Variants in EPC1 observed in about 807,000 individuals in gnomAD.
EPC1 encodes enhancer of polycomb 1.
A neutral mutation model predicts 98.4 loss-of-function variants in EPC1; 12 were observed. That is an observed-to-expected ratio of 0.12 (90% CI 0.08 to 0.20). The LOEUF (loss-of-function observed/expected upper bound fraction) is 0.20. EPC1 is among the 10% of genes least tolerant of loss of function. The pLI is 1.00. For synonymous variants in EPC1, 357 were observed against 363.9 expected, an observed-to-expected ratio of 0.98 and a Z score of 0.21; for missense variants, 729 against 990.5, an observed-to-expected ratio of 0.74 and a Z score of 3.54.
chr10:32,301,351 G>T (rs1203423593), intron 2 of EPC1, among the ~76,000 whole-genome samples: 1 of 152,134 alleles, frequency 6.6e-6, no homozygotes, highest in Non-Finnish European at 1.5e-5. Flanking sequence ...AAAGATGTCA[G>T]TTCTCTCTAA....
At chr10:32,340,685 G>A (rs958693951) in intron 1 of EPC1, among the ~76,000 whole-genome samples, 2 of 152,130 alleles carry the variant, frequency 1.3e-5, no homozygotes, top group East Asian at 3.9e-4. Flanking sequence ...AAAATTAGGC[G>A]TGGTGGTGTG....
chr10:32,351,079 C>G (rs1396300440), upstream of EPC1, among the ~76,000 whole-genome samples: 1 of 152,136 alleles, frequency 6.6e-6, no homozygotes, highest in Non-Finnish European at 1.5e-5. Context: ...CTGTTGGTGG[C>G]TAGTGGTAAC....
At chr10:32,320,195 T>A (rs1291749596) in intron 1 of EPC1, among the ~76,000 whole-genome samples, 1 of 152,010 alleles carries the variant, frequency 6.6e-6, no homozygotes, top group Non-Finnish European at 1.5e-5. Context: ...ATGGTTGTTT[T>A]TTTTTTTTAA....
chr10:32,294,525 G>A (rs1317708352), intron 2 of EPC1, among the ~76,000 whole-genome samples: 3 of 152,122 alleles, frequency 2.0e-5, no homozygotes, highest in East Asian at 3.9e-4. Context: ...CAAAAATTTC[G>A]AACTGCGGAG....
intron 10 of EPC1, among the ~76,000 whole-genome samples, chr10:32,277,701 G>A (rs765326089): frequency 4.6e-5 from 7 of 152,014 alleles, no homozygotes; most frequent in Non-Finnish European, 7.4e-5. Flanking sequence ...GCTCTAGCTC[G>A]GACTACAGGC....
rs150324332 is a variant in EPC1, at chr10:32,278,010, T to A, written c.1745-4729A>T. ...TGATCAACTGAGATGATCAAAGGAGTGCAGCTGAGGGGAAAGTGATGGGTG... is the reference window on the plus strand; with the variant it reads ...TGATCAACTGAGATGATCAAAGGAGAGCAGCTGAGGGGAAAGTGATGGGTG... On this transcript the variant is annotated intron_variant, in intron 10 of 13. Transcript: ENST00000319778. Among the ~76,000 whole-genome samples, 902 of 152,128 alleles carry A rather than the reference T, an allele frequency of 5.9e-3. 16 individuals are homozygous for A. The highest frequency in any genetic ancestry group is 0.021 in the African/African-American group (873 of 41,500).
At chr10:32,356,441 G>A (rs1839279833) in intron 1 of EPC1, among the ~76,000 whole-genome samples, 1 of 152,038 alleles carries the variant, frequency 6.6e-6, no homozygotes, top group Admixed American at 6.5e-5. Context: ...GGAGCATAGA[G>A]AATGGAGCCC....
chr10:32,289,626 A>AT (rs758760913), intron 6 of EPC1, among the ~76,000 whole-genome samples: 1,797 of 143,012 alleles, frequency 0.013, 16 homozygotes, highest in African/African-American at 0.015. Context: ...GTTTCATGAA[A>AT]TTTTTTTTTT....
intron 13 of EPC1, among the ~76,000 whole-genome samples, chr10:32,270,819 C>G (rs1835803276): frequency 2.0e-5 from 1 of 49,102 alleles, no homozygotes; most frequent in African/African-American, 8.7e-5. Context: ...GAGACTCGGT[C>G]TCAAAAAAAA....
chr10:32,293,537 T>C (rs1014152659), intron 3 of EPC1, 55 bp downstream of exon 3: 1 of 1,524,688 alleles, frequency 6.6e-7, no homozygotes, highest in Non-Finnish European at 8.9e-7. Context: ...TTCCATACAA[T>C]ACAGTTCTTT....
intron 1 of EPC1, among the ~76,000 whole-genome samples, chr10:32,372,412 G>A (rs2246848): frequency 0.98 from 149,014 of 152,324 alleles, 72,958 homozygotes; most frequent in East Asian, 1. Context: ...ATTGCGAAAT[G>A]GATGCCAATA....
chr10:32,378,499 C>T (rs1564572230), exon 1 of EPC1: 1 of 1,546,152 alleles, frequency 6.5e-7, no homozygotes. Flanking sequence ...ACCATTAGTG[C>T]AGGCAAAGAA....
At chr10:32,373,799 T>C (rs562760558) in intron 1 of EPC1, among the ~76,000 whole-genome samples, 1 of 152,360 alleles carries the variant, frequency 6.6e-6, no homozygotes, top group South Asian at 2.1e-4. Context: ...AATAACATTG[T>C]TGAACCAAAT....
At position 32,273,153 on chromosome 10, in the gene EPC1, A is replaced by G. The variant is rs746069118; in HGVS notation, c.1863+10T>C. 2 of 1,614,098 alleles carry G rather than the reference A, an allele frequency of 1.2e-6. No homozygotes were observed. The highest frequency in any genetic ancestry group is 4.5e-5 in the East Asian group (2 of 44,872). ...ATGAGGGATAATCATAAGACAGACA[A>G]ATCCCTCACCTGTGATGTGTTGGTG... is the stretch of plus-strand genomic sequence containing the variant. On this transcript the variant is annotated intron_variant, in intron 11 of 13. Transcript: ENST00000319778.
In EPC1 at chr10:32,271,698, G is replaced by C. The variant is rs1275855201; in HGVS notation, c.2225C>G (p.Thr742Ser). The C allele has an allele frequency of 4.3e-6, 7 of 1,614,088 alleles. No individual in the cohort carries two copies. The highest frequency in any genetic ancestry group is 1.3e-5 in the African/African-American group (1 of 74,928). The change falls in exon 13 of 14, where the codon ACT (threonine) becomes AGT (serine). Residue 742 changes from threonine (T) to serine (S), a missense_variant. By Grantham distance (58) the Thr-to-Ser change is moderately conservative (BLOSUM62 1). Around this residue, in one of 6 missense-constraint regions of EPC1, gnomAD observed 156 missense variants for 188.9 expected, o/e 0.83. Transcript: ENST00000319778. ...ATTTATTGGGGCAATAGAGTTTACAGTGGCAACTGATGAAGGTACAGTTAA... is the reference window on the plus strand; with the variant it reads ...ATTTATTGGGGCAATAGAGTTTACACTGGCAACTGATGAAGGTACAGTTAA... ...IRLTVPSSVA[T>S]VNSIAPINAR...
At chr10:32,326,766 C>T (rs1837303388) in intron 1 of EPC1, among the ~76,000 whole-genome samples, 1 of 151,960 alleles carries the variant, frequency 6.6e-6, no homozygotes, top group Non-Finnish European at 1.5e-5. Context: ...GTTAAAAAAA[C>T]TGGACATTTC....
chr10:32,299,920 T>G (rs1482489173), intron 2 of EPC1, among the ~76,000 whole-genome samples: 1 of 152,164 alleles, frequency 6.6e-6, no homozygotes, highest in Non-Finnish European at 1.5e-5. Context: ...AATGAGTTTT[T>G]TTTTTTATTT....
At chr10:32,340,624 G>A (rs892382049) in intron 1 of EPC1, among the ~76,000 whole-genome samples, 2 of 152,124 alleles carry the variant, frequency 1.3e-5, no homozygotes, top group Non-Finnish European at 2.9e-5. Flanking sequence ...GAGCCCAAGA[G>A]TTTGAGAACA....
At chr10:32,369,549 G>T (rs1286392782) in intron 1 of EPC1, among the ~76,000 whole-genome samples, 1 of 152,158 alleles carries the variant, frequency 6.6e-6, no homozygotes, top group Non-Finnish European at 1.5e-5. Context: ...ATTTACTTGG[G>T]AAGACAACAC....
Sources: allele counts gnomAD v4.1 joint callset (sites outside exome capture counted in the v4.1 genomes callset), GRCh38; gene constraint gnomAD v4.1.1; regional missense constraint gnomAD v4.1.1; transcripts MANE v1.5; gene names NCBI Gene and HGNC (gene_info 2026-07-23, HGNC 2026-07-21).